The following PROM1 variants were observed in gnomAD, a reference collection of about 807,000 sequenced individuals.
PROM1 encodes the protein prominin 1, also known as prominin-1.
A neutral mutation model predicts 116.9 loss-of-function variants in PROM1; 105 were observed. The observed-to-expected ratio is 0.90, with a 90% CI of 0.77 to 1.06. The LOEUF is 1.06. Ranked by LOEUF, PROM1 falls within the 50% of genes least tolerant of loss-of-function variation. The probability of loss-of-function intolerance (pLI) is 0.00; values close to 1 mark genes in which losing one functional copy is unlikely to be tolerated. For missense variants in PROM1, 1,122 were observed against 1,045.2 expected (o/e 1.07, Z -1.01); for synonymous variants, 393 against 387.0 (o/e 1.02, Z -0.18).
intron 22 of PROM1, 42 bp from the exon 23 acceptor site, chr4:15,984,397 C>T (rs116748981): frequency 2.2e-6 from 3 of 1,376,744 alleles, no homozygotes; most frequent in African/African-American, 1.5e-5. Flanking sequence ...GCTGCATCCA[C>T]AAAAACCCAA....
At chr4:16,057,540 G>C (rs113359264) in intron 2 of PROM1, among the ~76,000 whole-genome samples, 7 of 152,106 alleles carry the variant, frequency 4.6e-5, no homozygotes, top group African/African-American at 9.7e-5. Context: ...TTCTCCACAG[G>C]CTTCTTCAAC....
intron 2 of PROM1, 49 bp downstream of exon 2, chr4:16,075,638 T>C (rs190391695): frequency 1.3e-6 from 2 of 1,505,470 alleles, no homozygotes; most frequent in Non-Finnish European, 1.8e-6. Context: ...AACAATATTG[T>C]GGGTGCGTTT....
At position 15,991,241 on chromosome 4, in the gene PROM1, T is replaced by C. The variant is rs1265000195; in HGVS notation, c.1964A>G (p.Glu655Gly). ...ACTCACCAAACTGTTTGCTTTTGCT[T>C]CTAGATCATATGCAAATGATAAAAG... The part of the protein sequence containing the change: ...VNLLSFAYDL[E>G]AKANSLPPGN... Residue 655 changes from glutamate (E) to glycine (G), a missense_variant, in exon 18 of 28, where the codon GAA becomes GGA. Coordinates refer to ENST00000447510, the MANE Select transcript of PROM1 (RefSeq NM_006017.3). 1 of 1,608,686 alleles carries C rather than the reference T, an allele frequency of 6.2e-7. No homozygotes were observed. Among genetic ancestry groups the C allele is most frequent in the African/African-American group, 1.3e-5 (1 of 74,772 alleles).
chr4:16,037,317 G>A (rs1427647162), intron 3 of PROM1, among the ~76,000 whole-genome samples: 1 of 152,142 alleles, frequency 6.6e-6, no homozygotes, highest in Non-Finnish European at 1.5e-5. Flanking sequence ...TGAAGCCTGT[G>A]GCACTGAGGA....
intron 18 of PROM1, 136 bp from the exon 19 acceptor site, chr4:15,989,960 G>C (rs902573545): frequency 2.9e-6 from 2 of 687,064 alleles, no homozygotes; most frequent in Non-Finnish European, 5.0e-6. Flanking sequence ...GTGGGCATGG[G>C]GGCTGGTGTG....
Position 16,066,216 on chromosome 4 carries a change from C to T in PROM1, c.220+9471G>A, listed in dbSNP as rs1043419531. ...TGGTTGCCCTAGGAAACCAATAAAG[C>T]GAAGGTCAAATAAATACTTCTTTCT... is the stretch of plus-strand genomic sequence containing the variant. On this transcript the variant is annotated intron_variant, in intron 2 of 27. Transcript: ENST00000447510. 3.7e-4 allele frequency among the ~76,000 whole-genome samples: 56 copies of T among 152,210 alleles called. 1 individual carries two copies. The highest frequency in any genetic ancestry group is 3.1e-3 in the East Asian group (16 of 5,186).
At chr4:16,023,204 T>A (rs1730342785) in intron 8 of PROM1, 122 bp downstream of exon 8, 16 of 803,768 alleles carry the variant, frequency 2.0e-5, no homozygotes, top group Non-Finnish European at 3.4e-5. Context: ...ACTGTCTGCA[T>A]GGCCACGGAC....
At chr4:15,975,342 C>T (rs1421882448) in intron 26 of PROM1, among the ~76,000 whole-genome samples, 1 of 152,166 alleles carries the variant, frequency 6.6e-6, no homozygotes, top group Non-Finnish European at 1.5e-5. Flanking sequence ...GCCTCAGCCT[C>T]CCAAGTAGCT....
intron 26 of PROM1, 53 bp downstream of exon 26, chr4:15,979,342 G>A: frequency 6.2e-7 from 1 of 1,612,204 alleles, no homozygotes; most frequent in Non-Finnish European, 8.5e-7. Flanking sequence ...TGATCTATAG[G>A]AGATGAGACG....
At chr4:16,035,844 AC>A in intron 3 of PROM1, 83 bp from the exon 4 acceptor site, 1 of 1,264,422 alleles carries the variant, frequency 7.9e-7, no homozygotes, top group Non-Finnish European at 1.2e-6. Context: ...TGAGTGATCA[AC>A]CATAACCAAG....
chr4:15,985,969 A>G lies in PROM1; in HGVS notation c.2199T>C (p.Ser733=), dbSNP rs898994438. Residue 733 remains serine, a synonymous_variant, in exon 21 of 28, where the codon TCT becomes TCC. Transcript: ENST00000447510. ...AAAGAAGGCTCACCTCAATAATAAC[A>G]GAGGAAGTATTGTTTGTGATGAAGT... ...AQNFITNNTS[S]VIIEETKKYG... 6 of 1,148,070 alleles carry G rather than the reference A, an allele frequency of 5.2e-6. No homozygotes were observed. In the African/African-American group the frequency reaches 1.3e-4, roughly 24 times the overall value. The allele number at this position is 1,148,070 out of a possible 1,614,324, so 71.1% of individuals were successfully genotyped here. A position where few individuals can be genotyped will look rare whatever the true frequency, so the allele number is the denominator to read the frequency against.
chr4:16,078,119 A>C (rs1744329637), intron 1 of PROM1: 1 of 152,322 alleles, frequency 6.6e-6, no homozygotes, highest in African/African-American at 2.4e-5. Flanking sequence ...AGACGGAGAA[A>C]GACACAAGAA....
chr4:16,081,445 C>T (rs1054389214), intron 1 of PROM1, among the ~76,000 whole-genome samples: 2 of 152,118 alleles, frequency 1.3e-5, no homozygotes, highest in African/African-American at 4.8e-5. Flanking sequence ...TAGGCAATAC[C>T]ATTCAGGACA....
chr4:16,069,235 G>A (rs950633036), intron 2 of PROM1, among the ~76,000 whole-genome samples: 19 of 151,788 alleles, frequency 1.3e-4, no homozygotes, highest in East Asian at 3.9e-4. Flanking sequence ...ACTCTGCCTC[G>A]AAAAAAACAA....
At position 16,013,307 on chromosome 4, in the gene PROM1, C is replaced by G; in HGVS notation, c.1109G>C (p.Arg370Thr). The change falls in exon 11 of 28, where the codon AGA becomes ACA. Residue 370 changes from arginine to threonine, a missense_variant. Physicochemically the swap from Arg to Thr is moderately conservative, Grantham distance 71. Transcript: ENST00000447510. ...GACAGTCGTGGTTTGGCGTTGTACT[C>G]TGTCAGGTATATCATTAAGGGATTG... ...GYQSLNDIPD[R>T]VQRQTTTVVA... is the part of the protein sequence containing the mutation. 1 of 1,608,874 alleles carries G rather than the reference C, an allele frequency of 6.2e-7. No individual in the cohort carries two copies. Among genetic ancestry groups the G allele is most frequent in the Non-Finnish European group, 8.5e-7 (1 of 1,175,274 alleles).
chr4:15,998,919 A>ATTTCTAGTAGAAACG (rs1722996187), intron 14 of PROM1, among the ~76,000 whole-genome samples: 3 of 151,958 alleles, frequency 2.0e-5, no homozygotes, highest in Non-Finnish European at 2.9e-5. Flanking sequence ...TAGTAGAAAC[A>ATTTCTAGTAGAAACG]GCATTTCACC....
intron 26 of PROM1, among the ~76,000 whole-genome samples, chr4:15,972,686 G>C (rs1714895800): frequency 6.6e-6 from 1 of 152,162 alleles, no homozygotes; most frequent in African/African-American, 2.4e-5. Flanking sequence ...ATAACTGGAG[G>C]ATACATTTCT....
Position 16,043,356 on chromosome 4 carries a change from T to C in PROM1, c.221-4355A>G, listed in dbSNP as rs961641880. Among the ~76,000 whole-genome samples the C allele has an allele frequency of 8.5e-5, 13 of 152,334 alleles. No homozygotes were observed. In the South Asian group the frequency reaches 1.9e-3, roughly 22 times the overall value. On this transcript the variant is annotated intron_variant, in intron 2 of 27. Transcript: ENST00000447510. ...TTCATAGAGATGGGATCTCATTCTG[T>C]CACCCAGGCTGGAGTGCAGTGGTGC...
In PROM1 at chr4:16,064,538, T is replaced by G. The variant is rs142102039; in HGVS notation, c.220+11149A>C. ...GTACTAGTTACACGGATGCGATTTG[T>G]GAAAAGTCATCAAGCTGTAAGCTTA... On this transcript the variant is annotated intron_variant, in intron 2 of 27. Transcript: ENST00000447510. 1.4e-3 allele frequency among the ~76,000 whole-genome samples: 211 copies of G among 152,312 alleles called. 1 individual carries two copies. The highest frequency in any genetic ancestry group is 1.8e-3 in the Non-Finnish European group (121 of 68,034).
Sources: allele counts gnomAD v4.1 joint callset (sites outside exome capture counted in the v4.1 genomes callset), GRCh38; gene constraint gnomAD v4.1.1; transcripts MANE v1.5; gene names NCBI Gene and HGNC (gene_info 2026-07-23, HGNC 2026-07-21).